Variants in MEGF11 observed in about 807,000 individuals in gnomAD.
MEGF11 encodes the protein multiple epidermal growth factor-like domains protein 11.
A neutral mutation model predicts 146.6 loss-of-function variants in MEGF11; 126 were observed. That is an observed-to-expected ratio of 0.86 (90% CI 0.74 to 1.00). MEGF11 has a LOEUF of 1.00. Among genes scored for constraint, MEGF11 ranks in the 50% least tolerant of loss-of-function variants. MEGF11 has a pLI of 0.00. For missense variants in MEGF11, 1,509 were observed against 1,521.2 expected (o/e 0.99, Z 0.13); for synonymous variants, 532 against 583.4 (o/e 0.91, Z 1.27).
At chr15:66,139,416 T>C (rs2089041334) in intron 1 of MEGF11, among the ~76,000 whole-genome samples, 1 of 152,182 alleles carries the variant, frequency 6.6e-6, no homozygotes, top group Non-Finnish European at 1.5e-5. Flanking sequence ...TCATTAAGGA[T>C]AAAAGCACCT....
intron 10 of MEGF11, among the ~76,000 whole-genome samples, chr15:65,933,603 C>T (rs887345876): frequency 6.6e-6 from 1 of 152,204 alleles, no homozygotes; most frequent in African/African-American, 2.4e-5. Flanking sequence ...GGCCACTGGG[C>T]TGAGATGGCT....
chr15:66,197,953 G>A (rs72744490), intron 1 of MEGF11, among the ~76,000 whole-genome samples: 7,229 of 152,260 alleles, frequency 0.047, 251 homozygotes, highest in Middle Eastern at 0.075. Context: ...AGCTGGGCAC[G>A]CTGGTGCATG....
chr15:65,898,589 A>G (rs1567145466), intron 25 of MEGF11, 139 bp downstream of exon 25: 2 of 1,456,268 alleles, frequency 1.4e-6, no homozygotes, highest in Admixed American at 5.3e-5. Context: ...TAGGAAAGAC[A>G]GTTCACCTTA....
At chr15:66,136,982 G>A (rs182745856) in intron 1 of MEGF11, among the ~76,000 whole-genome samples, 37 of 152,254 alleles carry the variant, frequency 2.4e-4, no homozygotes, top group African/African-American at 7.0e-4. Context: ...GCAGTGAGAC[G>A]TGAGCATCCT....
At chr15:65,964,865 A>AC in intron 9 of MEGF11, 43 bp downstream of exon 9, 5 of 1,491,208 alleles carry the variant, frequency 3.4e-6, no homozygotes, top group African/African-American at 1.4e-5. Context: ...CTACCTGAGC[A>AC]CCCCCCGCCC....
At chr15:65,990,644 GAAAA>G (rs2082008304) in intron 5 of MEGF11, among the ~76,000 whole-genome samples, 1 of 132,744 alleles carries the variant, frequency 7.5e-6, no homozygotes, top group African/African-American at 2.8e-5. Context: ...GAAAGGAAAA[GAAAA>G]AAGAAGGAAG....
At chr15:66,218,705 G>A (rs527705492) in intron 1 of MEGF11, among the ~76,000 whole-genome samples, 45 of 152,268 alleles carry the variant, frequency 3.0e-4, no homozygotes, top group African/African-American at 1.1e-3. Context: ...CTAGTGGGAA[G>A]CCAGGGCCTG....
intron 1 of MEGF11, among the ~76,000 whole-genome samples, chr15:66,163,232 T>G (rs762697839): frequency 9.2e-5 from 14 of 152,224 alleles, no homozygotes; most frequent in Admixed American, 1.3e-4. Context: ...CACAGTATGT[T>G]TTGTTCTATA....
At chr15:66,204,313 G>T (rs2091244702) in intron 1 of MEGF11, among the ~76,000 whole-genome samples, 1 of 152,136 alleles carries the variant, frequency 6.6e-6, no homozygotes, top group African/African-American at 2.4e-5. Flanking sequence ...GAGGTGAAAG[G>T]ATCACTTGAG....
At chr15:66,190,904 A>T (rs1166510990) in intron 1 of MEGF11, among the ~76,000 whole-genome samples, 1 of 152,176 alleles carries the variant, frequency 6.6e-6, no homozygotes, top group African/African-American at 2.4e-5. Flanking sequence ...GGTGAGATAA[A>T]ATAAATTAGC....
chr15:66,093,542 C>T (rs767766876), intron 5 of MEGF11, among the ~76,000 whole-genome samples: 7 of 152,236 alleles, frequency 4.6e-5, no homozygotes, highest in Non-Finnish European at 7.3e-5. Context: ...TCTACTCCAA[C>T]TCAAAGCAGG....
intron 1 of MEGF11, among the ~76,000 whole-genome samples, chr15:66,228,957 T>C (rs2091908247): frequency 6.6e-6 from 1 of 152,024 alleles, no homozygotes; most frequent in African/African-American, 2.4e-5. Context: ...CCTCTCCAAG[T>C]CCCTGCAGAC....
intron 4 of MEGF11, among the ~76,000 whole-genome samples, chr15:66,116,927 C>G (rs1567249160): frequency 6.6e-6 from 1 of 152,190 alleles, no homozygotes; most frequent in Non-Finnish European, 1.5e-5. Flanking sequence ...CCAAGCCATC[C>G]AAGTGCAGAG....
chr15:66,164,818 T>C (rs548380269), intron 1 of MEGF11, among the ~76,000 whole-genome samples: 1 of 152,374 alleles, frequency 6.6e-6, no homozygotes, highest in Non-Finnish European at 1.5e-5. Context: ...TACATTTGTC[T>C]GACAACCAGA....
intron 1 of MEGF11, among the ~76,000 whole-genome samples, chr15:66,143,234 C>T (rs923995696): frequency 6.6e-6 from 1 of 152,242 alleles, no homozygotes; most frequent in East Asian, 1.9e-4. Flanking sequence ...GAAGGTCACA[C>T]AGCTGATCAT....
At chr15:66,063,371 C>T (rs1444074436) in intron 5 of MEGF11, among the ~76,000 whole-genome samples, 1 of 152,162 alleles carries the variant, frequency 6.6e-6, no homozygotes, top group East Asian at 1.9e-4. Context: ...AGATGAGAGG[C>T]AGTTACACTA....
intron 1 of MEGF11, among the ~76,000 whole-genome samples, chr15:66,237,250 A>T (rs1472077872): frequency 6.6e-6 from 1 of 152,060 alleles, no homozygotes; most frequent in Admixed American, 6.5e-5. Flanking sequence ...GTTTCTTCTC[A>T]TGGTGTCTTA....
chr15:66,008,417 A>G lies in MEGF11; in HGVS notation c.395-25929T>C, dbSNP rs907442113. The stretch of plus-strand genomic sequence containing the variant: ...CACATGCACACGCGCGCGCGCACAC[A>G]CACACACACACACACACACACACAC... On this transcript the variant is annotated intron_variant, in intron 5 of 25. Transcript: ENST00000395614. 3.2e-3 allele frequency among the ~76,000 whole-genome samples: 272 copies of G among 85,194 alleles called. 3 individuals are homozygous for G. The highest frequency in any genetic ancestry group is 9.3e-3 in the African/African-American group (249 of 26,636). The allele number at this position is 85,194 out of a possible 152,430, so 55.9% of individuals were successfully genotyped here.
chr15:66,096,542 TCC>T (rs34924738), intron 4 of MEGF11, among the ~76,000 whole-genome samples: 146,588 of 152,084 alleles, frequency 0.96, 70,884 homozygotes, highest in East Asian at 1. Context: ...CCAGGCTGTA[TCC>T]AGCCTCCCCC....
Sources: gnomAD v4.1 joint callset for allele counts (sites outside exome capture counted in the v4.1 genomes callset) on GRCh38, gnomAD v4.1.1 for gene constraint, MANE v1.5 for transcripts, NCBI Gene and HGNC (gene_info 2026-07-23, HGNC 2026-07-21) for gene names.